TNR: variants seen among roughly 807,000 people sequenced by gnomAD.
TNR encodes the protein tenascin-R.
A neutral mutation model predicts 150.4 loss-of-function variants in TNR; 45 were observed. The ratio of observed to expected loss-of-function variants is 0.30; its 90% CI spans 0.24 to 0.38. The LOEUF is 0.38. TNR is among the 10% of genes least tolerant of loss of function. TNR has a pLI of 1.00. For missense variants in TNR, 1,544 were observed against 1,759.1 expected (o/e 0.88, Z 2.19); for synonymous variants, 687 against 678.4 (o/e 1.01, Z -0.20).
intron 1 of TNR, among the ~76,000 whole-genome samples, chr1:175,583,649 T>C (rs1244478324): frequency 6.6e-6 from 1 of 152,046 alleles, no homozygotes; most frequent in Admixed American, 6.6e-5. Flanking sequence ...GAAACAACCT[T>C]AGTGGAAACA....
rs150367554 is a variant in TNR, at chr1:175,363,647, A to G, written c.2707+61T>C. The stretch of plus-strand genomic sequence containing the variant: ...GAGTGGATGTTCTGCGGGATATGCT[A>G]GTTCTCCCATAATCTTCACCCAAAT... On this transcript the variant is annotated intron_variant, in intron 13 of 22. Transcript: ENST00000367674. 2.5e-6 allele frequency: 4 copies of G among 1,576,712 alleles called. No individual in the cohort carries two copies. The African/African-American group carries it at 5.4e-5, about 21-fold the overall frequency.
At chr1:175,380,967 T>A (rs1395187962) in intron 8 of TNR, among the ~76,000 whole-genome samples, 10 of 152,246 alleles carry the variant, frequency 6.6e-5, no homozygotes, top group Non-Finnish European at 1.5e-5. Context: ...TGAATCAATG[T>A]GAGCGCAGAG....
rs113157076 is a variant in TNR at position 175,463,907 on chromosome 1, T to C, written c.-63-57130A>G. The stretch of plus-strand genomic sequence containing the variant: ...GATTCCAATGGAGTCAATAACCAAC[T>C]CCATTATCTGCTTTATGTATATAAA... On this transcript the variant is annotated intron_variant, in intron 2 of 22. Transcript: ENST00000367674. Among the ~76,000 whole-genome samples the C allele has an allele frequency of 9.8e-3, 1,499 of 152,280 alleles. 18 individuals are homozygous for C. The highest frequency in any genetic ancestry group is 0.015 in the Non-Finnish European group (999 of 68,018).
At chr1:175,583,910 C>A (rs1417867885) in intron 1 of TNR, among the ~76,000 whole-genome samples, 2 of 152,174 alleles carry the variant, frequency 1.3e-5, no homozygotes, top group Non-Finnish European at 2.9e-5. Context: ...GGCCAGCTCA[C>A]CCTGCCCAGA....
At chr1:175,494,156 G>T (rs1377281916) in intron 2 of TNR, among the ~76,000 whole-genome samples, 1 of 138,976 alleles carries the variant, frequency 7.2e-6, no homozygotes, top group Non-Finnish European at 1.6e-5. Flanking sequence ...GCCCCCTCCC[G>T]CCGGCCTCTC....
At chr1:175,510,363 A>C (rs1257192487) in intron 2 of TNR, among the ~76,000 whole-genome samples, 2 of 126,226 alleles carry the variant, frequency 1.6e-5, no homozygotes, top group African/African-American at 5.6e-5. Flanking sequence ...CCTTTGCCCA[A>C]AGCAAAGAAA....
intron 2 of TNR, among the ~76,000 whole-genome samples, chr1:175,440,888 G>A (rs185981291): frequency 6.6e-6 from 1 of 152,288 alleles, no homozygotes; most frequent in East Asian, 1.9e-4. Flanking sequence ...TCCTTAAGTA[G>A]GAGAGAGGGG....
intron 2 of TNR, among the ~76,000 whole-genome samples, chr1:175,410,956 A>C (rs1455759147): frequency 6.6e-6 from 1 of 152,192 alleles, no homozygotes; most frequent in Non-Finnish European, 1.5e-5. Flanking sequence ...ACTTTAATGG[A>C]TTATTCTTTA....
rs1315583722 is a variant in TNR at position 175,317,813 on chromosome 1, T to A, written c.*5544A>T. ...TATGAAGTTATCAGAGGGGGCTGAG[T>A]GTGTCTGAGGAACAAGAGCTGTGTT... On this transcript the variant is annotated 3_prime_UTR_variant, in exon 23 of 23. Transcript: ENST00000367674. 6.6e-6 allele frequency: 1 copy of A among 152,188 alleles called. No homozygotes were observed. The highest frequency in any genetic ancestry group is 1.5e-5 in the Non-Finnish European group (1 of 68,056). The allele number at this position is 152,188 out of a possible 1,614,324, so 9.4% of individuals were successfully genotyped here.
At position 175,406,440 on chromosome 1, in the gene TNR, C is replaced by T. The variant is rs1222726760; in HGVS notation, c.275G>A (p.Ser92Asn). 1.2e-6 allele frequency: 2 copies of T among 1,614,186 alleles called. No individual in the cohort carries two copies. The highest frequency in any genetic ancestry group is 2.2e-5 in the South Asian group (2 of 91,080). Residue 92 changes from serine to asparagine, a missense_variant, in exon 3 of 23, where the codon AGT becomes AAT. Ser to Asn is a conservative substitution (Grantham distance 46). Around this residue, in one of 2 missense-constraint regions of TNR, gnomAD observed 1,254 missense variants for 1,329.4 expected, o/e 0.94. Transcript: ENST00000367674. Reference sequence around the variant, plus strand: ...CTCTGCCAGAGTCTCGTCTTCTGCACTCACCTCCTGCTCAGCAGAGGCCTC... The same window carrying T: ...CTCTGCCAGAGTCTCGTCTTCTGCATTCACCTCCTGCTCAGCAGAGGCCTC... ...GLEASAEQEV[S>N]AEDETLAEYM...
chr1:175,443,362 G>T (rs937614392), intron 2 of TNR, among the ~76,000 whole-genome samples: 2 of 152,152 alleles, frequency 1.3e-5, no homozygotes, highest in Admixed American at 1.3e-4. Context: ...ACAGCAGGAC[G>T]ATCGAGGCGT....
chr1:175,488,121 A>G (rs1658092250), intron 2 of TNR, among the ~76,000 whole-genome samples: 1 of 152,222 alleles, frequency 6.6e-6, no homozygotes, highest in East Asian at 1.9e-4. Flanking sequence ...AAGAAAGCAG[A>G]GAGGCAGATT....
At chr1:175,430,775 C>G (rs921805476) in intron 2 of TNR, among the ~76,000 whole-genome samples, 1 of 152,192 alleles carries the variant, frequency 6.6e-6, no homozygotes, top group Non-Finnish European at 1.5e-5. Flanking sequence ...GCTTTCCTCT[C>G]ACTGTCTTTA....
chr1:175,698,031 T>TGAGACC (rs2101924445), intron 1 of TNR, among the ~76,000 whole-genome samples: 1 of 152,336 alleles, frequency 6.6e-6, no homozygotes, highest in Non-Finnish European at 1.5e-5. Flanking sequence ...GAGAACATCC[T>TGAGACC]TTTGCGGTCT....
intron 2 of TNR, among the ~76,000 whole-genome samples, chr1:175,413,734 A>G (rs1347562264): frequency 6.6e-6 from 1 of 152,212 alleles, no homozygotes; most frequent in Admixed American, 6.5e-5. Context: ...TCCAAAATTC[A>G]TATGCTGAAA....
rs2102039533 is a variant in TNR at position 175,396,644 on chromosome 1, G to A, written c.1140C>T (p.Val380=). 6.2e-7 allele frequency: 1 copy of A among 1,614,208 alleles called. No individual in the cohort carries two copies. Among genetic ancestry groups the A allele is most frequent in the East Asian group, 2.2e-5 (1 of 44,886 alleles). The change falls in exon 5 of 23, where the codon GTC becomes GTT. Residue 380 remains valine (V), a synonymous_variant. Coordinates refer to ENST00000367674, the MANE Select transcript of TNR (RefSeq NM_003285.3). ...QQRVPGDWSG[V]TITELEPGLT... is the part of the protein sequence containing the mutation. ...GACCTGGCTCCAGCTCCGTGATGGT[G>A]ACACCACTCCAATCTCCAGGCACCC...
intron 2 of TNR, among the ~76,000 whole-genome samples, chr1:175,408,455 G>A (rs573137496): frequency 6.6e-5 from 10 of 152,282 alleles, no homozygotes; most frequent in African/African-American, 2.4e-4. Context: ...TTAGTGCCTA[G>A]TATAAAATCA....
chr1:175,348,970 CTAAAAAACA>C (rs757516984), intron 18 of TNR, among the ~76,000 whole-genome samples: 119 of 152,110 alleles, frequency 7.8e-4, no homozygotes, highest in Admixed American at 3.1e-3. Context: ...ACTCAAAGGA[CTAAAAAACA>C]TATGAAGAGA....
chr1:175,396,765 CT>C lies in TNR; in HGVS notation c.1018del (p.Arg340GlyfsTer13). The C allele has an allele frequency of 6.2e-7, 1 of 1,614,112 alleles. No homozygotes were observed. The highest frequency in any genetic ancestry group is 8.5e-7 in the Non-Finnish European group (1 of 1,179,978). The stretch of plus-strand genomic sequence containing the variant: ...CCCGTCCCATTCCAGCTCAATGGAC[CT>C]GTCGCTGATACCAGCCACTCGCAAG... ...EDLRVAGISD[R>X]SIELEWDGPM... On this transcript the variant is annotated frameshift_variant, in exon 5 of 23. Transcript: ENST00000367674. LOFTEE classifies it high-confidence loss of function.
Sources: gnomAD v4.1 joint callset for allele counts (sites outside exome capture counted in the v4.1 genomes callset) on GRCh38, gnomAD v4.1.1 for gene constraint, gnomAD v4.1.1 regional missense constraint, MANE v1.5 for transcripts, NCBI Gene and HGNC (gene_info 2026-07-23, HGNC 2026-07-21) for gene names.